The following TRIML1 variants were observed in gnomAD, a reference collection of about 807,000 sequenced individuals.
The protein encoded by TRIML1 is tripartite motif family like 1, also known as probable E3 ubiquitin-protein ligase TRIML1.
TRIML1 carries 34 observed loss-of-function variants against 32.3 expected under a neutral mutation model. The observed-to-expected ratio is 1.05, with a 90% CI of 0.80 to 1.40. TRIML1 has a LOEUF of 1.40. TRIML1 is among the 40% of genes most tolerant of loss of function. The pLI, the probability that TRIML1 is intolerant of heterozygous loss-of-function variation, is 0.00. For missense variants in TRIML1, 595 were observed against 574.9 expected, an observed-to-expected ratio of 1.03 and a Z score of -0.36; for synonymous variants, 244 against 226.6, an observed-to-expected ratio of 1.08 and a Z score of -0.69.
chr4:188,142,170 T>A, intron 2 of TRIML1, 82 bp from the exon 3 acceptor site: 3 of 973,588 alleles, frequency 3.1e-6, no homozygotes, highest in Non-Finnish European at 4.6e-6. Flanking sequence ...GGATTAAAAA[T>A]CTACAGACAA....
rs1311946767 is a variant in TRIML1 at position 188,143,827 on chromosome 4, T to C, written c.736-11T>C. ...GCGCACCATGCTAACTTCTTTCTTT[T>C]TTACCCGTAGGAAGTGAGAGGAGCC... On this transcript the variant is annotated splice_polypyrimidine_tract_variant and intron_variant, in intron 3 of 5. Coordinates refer to ENST00000332517, the MANE Select transcript of TRIML1 (RefSeq NM_178556.5). 1.2e-6 allele frequency: 2 copies of C among 1,614,042 alleles called. No homozygotes were observed. The highest frequency in any genetic ancestry group is 2.7e-5 in the African/African-American group (2 of 74,942).
At chr4:188,137,539 G>A (rs951360161), upstream of TRIML1, among the ~76,000 whole-genome samples, 5 of 147,486 alleles carry the variant, frequency 3.4e-5, no homozygotes, top group Non-Finnish European at 4.4e-5. Context: ...GTGCAATGGC[G>A]TGATCTCACC....
At chr4:188,137,692 G>A (rs1734702691), upstream of TRIML1, among the ~76,000 whole-genome samples, 1 of 151,144 alleles carries the variant, frequency 6.6e-6, no homozygotes, top group Non-Finnish European at 1.5e-5. Flanking sequence ...GGCCAGGCTG[G>A]TCTCGAACTC....
At chr4:188,143,808 C>A in intron 3 of TRIML1, 30 bp from the exon 4 acceptor site, 1 of 1,613,800 alleles carries the variant, frequency 6.2e-7, no homozygotes, top group Non-Finnish European at 8.5e-7. Context: ...CAAAGCGCAC[C>A]ATGCTAACTT....
At chr4:188,150,289 C>G (rs1040791484), downstream of TRIML1, among the ~76,000 whole-genome samples, 24 of 151,832 alleles carry the variant, frequency 1.6e-4, no homozygotes, top group African/African-American at 5.1e-4. Context: ...CCACCACACC[C>G]AGCGAATTTT....
upstream of TRIML1, chr4:188,139,331 T>G: frequency 2.4e-6 from 1 of 413,850 alleles, no homozygotes; most frequent in Non-Finnish European, 4.3e-6. Context: ...AAGTTTGGGG[T>G]TGGTGAGGAG....
chr4:188,140,016 G>A (rs780833111), intron 1 of TRIML1, 50 bp downstream of exon 1: 17 of 1,530,164 alleles, frequency 1.1e-5, no homozygotes, highest in Non-Finnish European at 1.3e-5. Context: ...AGCTAACTCC[G>A]TTAGCTTTCC....
chr4:188,141,165 G>GTTT lies in TRIML1; in HGVS notation c.504+559_504+561dup, dbSNP rs58714915. Among the ~76,000 whole-genome samples the GTTT allele has an allele frequency of 1.6e-4, 19 of 118,812 alleles. 2 individuals carry two copies. Among genetic ancestry groups the GTTT allele is most frequent in the South Asian group, 6.1e-4 (2 of 3,292 alleles). The allele number at this position is 118,812 out of a possible 152,430, so 77.9% of individuals were successfully genotyped here. On this transcript the variant is annotated intron_variant, in intron 2 of 5. Transcript: ENST00000332517. The stretch of plus-strand genomic sequence containing the variant: ...ATTCTCCCAATAGACTTTGAAATCT[G>GTTT]TTTTTTTTTTTTTTTTTTTGGAGAT...
downstream of TRIML1, among the ~76,000 whole-genome samples, chr4:188,148,789 A>C (rs1337902781): frequency 6.6e-6 from 1 of 151,584 alleles, no homozygotes; most frequent in African/African-American, 2.4e-5. Context: ...TTTTGTAGAA[A>C]CAGGGTTTCA....
intron 3 of TRIML1, chr4:188,143,058 C>CT (rs34776156): frequency 0.46 from 64,891 of 140,276 alleles, 15,718 homozygotes; most frequent in Non-Finnish European, 0.52. Context: ...TCTTCAGGAC[C>CT]TTTTTTTTTT....
rs1735115133 is a variant in TRIML1, at chr4:188,147,117, A to G, written c.1152A>G (p.Gly384=). 1 of 1,614,032 alleles carries G rather than the reference A, an allele frequency of 6.2e-7. No homozygotes were observed. Residue 384 remains glycine (G), a synonymous_variant, in exon 6 of 6, where the codon GGA becomes GGG. Transcript: ENST00000332517. The part of the protein sequence containing the change: ...DLFSLIGLKI[G]DDYSLWVSSP... ...TCTCACTAATAGGTTTAAAAATCGG[A>G]GATGATTACAGCCTCTGGGTCTCGT...
At position 188,140,509 on chromosome 4, in the gene TRIML1, G is replaced by C. The variant is rs201368764; in HGVS notation, c.409-19G>C. 2 of 1,599,004 alleles carry C rather than the reference G, an allele frequency of 1.3e-6. No individual in the cohort carries two copies. The highest frequency in any genetic ancestry group is 4.5e-5 in the East Asian group (2 of 44,792). On this transcript the variant is annotated intron_variant, in intron 1 of 5. Transcript: ENST00000332517. ...TGGGACTCTGCTCATTTGCCAGAAA[G>C]GGTTTGTTTCTATTGCAGGAGAAAC...
intron 2 of TRIML1, 23 bp from the exon 3 acceptor site, chr4:188,142,224 GTGTGT>G: frequency 7.7e-7 from 1 of 1,298,118 alleles, no homozygotes; most frequent in Non-Finnish European, 1.1e-6. Flanking sequence ...GTGTGTGTGT[GTGTGT>G]GTGTGTGTGT....
chr4:188,146,944 T>A lies in TRIML1; in HGVS notation c.979T>A (p.Ser327Thr), dbSNP rs781330037. The change falls in exon 6 of 6, where the codon TCT (serine) becomes ACT (threonine). Residue 327 changes from serine (S) to threonine (T), a missense_variant. Transcript: ENST00000332517. Reference sequence around the variant, plus strand: ...CGACAACCCGGAAAGATTTGACCAGTCTGCGACTGTGCTGGGTACTCAGAT... The same window carrying A: ...CGACAACCCGGAAAGATTTGACCAGACTGCGACTGTGCTGGGTACTCAGAT... ...LPDNPERFDQ[S>T]ATVLGTQIFT... is the part of the protein sequence containing the mutation. 6.5e-7 allele frequency: 1 copy of A among 1,527,678 alleles called. No individual in the cohort carries two copies. Among genetic ancestry groups the A allele is most frequent in the Non-Finnish European group, 8.8e-7 (1 of 1,138,732 alleles). The allele number at this position is 1,527,678 out of a possible 1,614,324, so 94.6% of individuals were successfully genotyped here. A position where few individuals can be genotyped will look rare whatever the true frequency, so the allele number is the denominator to read the frequency against.
intron 2 of TRIML1, among the ~76,000 whole-genome samples, chr4:188,141,286 G>T (rs371589782): frequency 2.2e-4 from 33 of 150,776 alleles, no homozygotes; most frequent in Non-Finnish European, 2.2e-4. Flanking sequence ...TCCTGCCTCA[G>T]CCTTCTGAGT....
intron 5 of TRIML1, among the ~76,000 whole-genome samples, chr4:188,144,772 G>T (rs546490882): frequency 6.6e-6 from 1 of 151,998 alleles, no homozygotes; most frequent in African/African-American, 2.4e-5. Context: ...CTCTGATCCC[G>T]TTAGGATGAA....
intron 1 of TRIML1, 99 bp from the exon 2 acceptor site, chr4:188,140,429 T>G: frequency 1.1e-6 from 1 of 950,070 alleles, no homozygotes; most frequent in Non-Finnish European, 1.7e-6. Context: ...GCCTGCCCTT[T>G]GTTTTAGAGG....
chr4:188,138,504 C>G (rs1579201968), upstream of TRIML1, among the ~76,000 whole-genome samples: 1 of 152,082 alleles, frequency 6.6e-6, no homozygotes, highest in Non-Finnish European at 1.5e-5. Flanking sequence ...GAAGGCAGGC[C>G]AGGACAGGAG....
rs1734773556 is a variant in TRIML1 at position 188,139,714 on chromosome 4, T to C, written c.156T>C (p.Ser52=). Residue 52 remains serine, a synonymous_variant, in exon 1 of 6, where the codon TCT becomes TCC. Coordinates refer to ENST00000332517, the MANE Select transcript of TRIML1 (RefSeq NM_178556.5). ...GGGAGGAACATAACACACCTTTATC[T>C]TGTCCTGAGTGCTGGAGGACCTTGG... ...RSWEEHNTPL[S]CPECWRTLEG... The C allele has an allele frequency of 2.5e-6, 4 of 1,614,048 alleles. No individual in the cohort carries two copies. The highest frequency in any genetic ancestry group is 1.7e-6 in the Non-Finnish European group (2 of 1,180,016).
Sources: allele counts gnomAD v4.1 joint callset (sites outside exome capture counted in the v4.1 genomes callset), GRCh38; gene constraint gnomAD v4.1.1; transcripts MANE v1.5; gene names NCBI Gene and HGNC (gene_info 2026-07-23, HGNC 2026-07-21).